Variants in VAPB observed in about 807,000 individuals in gnomAD.
VAPB encodes vesicle-associated membrane protein-associated protein B/C.
VAPB carries 7 observed loss-of-function variants against 25.6 expected under a neutral mutation model. The ratio of observed to expected loss-of-function variants is 0.27; its 90% CI spans 0.16 to 0.51. The LOEUF is 0.51. Ranked by LOEUF, VAPB falls within the 20% of genes least tolerant of loss-of-function variation. VAPB has a pLI of 0.97. For missense variants in VAPB, 266 were observed against 301.3 expected, an observed-to-expected ratio of 0.88 and a Z score of 0.87; for synonymous variants, 112 against 109.2, an observed-to-expected ratio of 1.03 and a Z score of -0.16.
intron 1 of VAPB, among the ~76,000 whole-genome samples, chr20:58,393,746 T>TTTTGTTTTG (rs1568696008): frequency 7.3e-6 from 1 of 136,752 alleles, no homozygotes; most frequent in African/African-American, 2.8e-5. Context: ...GTTTTGTTTT[T>TTTTGTTTTG]TTTGAGATGG....
chr20:58,448,374 C>T lies in VAPB; in HGVS notation c.*4139C>T, dbSNP rs1989347253. 2.2e-6 allele frequency: 1 copy of T among 454,078 alleles called. No individual in the cohort carries two copies. Among genetic ancestry groups the T allele is most frequent in the Non-Finnish European group, 4.4e-6 (1 of 226,796 alleles). The allele number at this position is 454,078 out of a possible 1,614,324, so 28.1% of individuals were successfully genotyped here. On this transcript the variant is annotated 3_prime_UTR_variant, in exon 6 of 6. Coordinates refer to ENST00000475243, the MANE Select transcript of VAPB (RefSeq NM_004738.5). Reference sequence around the variant, plus strand: ...CAGACAGATCTGCTCTGATAGGAACCTTTTCAAGAAAGTTACTGTTGTTTC... The same window carrying T: ...CAGACAGATCTGCTCTGATAGGAACTTTTTCAAGAAAGTTACTGTTGTTTC...
chr20:58,389,302 A>AACCC lies in VAPB; in HGVS notation c.-158_-157insACCC. On this transcript the variant is annotated 5_prime_UTR_variant, in exon 1 of 6. Coordinates refer to ENST00000475243, the MANE Select transcript of VAPB (RefSeq NM_004738.5). Reference sequence around the variant, plus strand: ...CCCTGCGCCTGCACCGCGTAGACCGACCCCCCCCCAGCGCGCCCACCCGGT... The same window carrying AACCC: ...CCCTGCGCCTGCACCGCGTAGACCGAACCCCCCCCCCCCAGCGCGCCCACCCGGT... The AACCC allele has an allele frequency of 5.0e-6, 2 of 399,632 alleles. No homozygotes were observed. Among genetic ancestry groups the AACCC allele is most frequent in the South Asian group, 1.8e-5 (1 of 56,198 alleles). 24.8% of individuals were successfully genotyped at this position (399,632 alleles called of 1,614,324 possible).
At chr20:58,417,838 GC>G (rs1456164450) in intron 1 of VAPB, among the ~76,000 whole-genome samples, 1 of 152,106 alleles carries the variant, frequency 6.6e-6, no homozygotes, top group East Asian at 1.9e-4. Context: ...GTAAGAACTG[GC>G]CTTAGATGCA....
chr20:58,427,249 A>G lies in VAPB; in HGVS notation c.212-7353A>G, dbSNP rs539013785. Among the ~76,000 whole-genome samples the G allele has an allele frequency of 4.0e-5, 6 of 151,600 alleles. No individual in the cohort carries two copies. The South Asian group carries it at 1.0e-3, about 26-fold the overall frequency. On this transcript the variant is annotated intron_variant, in intron 2 of 5. Coordinates refer to ENST00000475243, the MANE Select transcript of VAPB (RefSeq NM_004738.5). ...CTGTTACAATTATGATGCAGGCGAA[A>G]GTGATCCGTGATCTGTTACCATTAT...
chr20:58,426,694 C>T (rs540847499), intron 2 of VAPB, among the ~76,000 whole-genome samples: 54 of 152,226 alleles, frequency 3.5e-4, no homozygotes, highest in Non-Finnish European at 6.9e-4. Flanking sequence ...GAGGAATTAC[C>T]ATGATACAAG....
chr20:58,441,179 C>T, intron 5 of VAPB, 96 bp downstream of exon 5: 2 of 1,377,382 alleles, frequency 1.5e-6, no homozygotes, highest in Non-Finnish European at 2.0e-6. Flanking sequence ...ATATAGATTT[C>T]TTTTTGCTTT....
intron 1 of VAPB, among the ~76,000 whole-genome samples, chr20:58,394,207 ACT>A (rs1182436646): frequency 3.3e-5 from 5 of 151,864 alleles, no homozygotes; most frequent in African/African-American, 1.2e-4. Context: ...AAACTTGGAC[ACT>A]CTAAATGATA....
chr20:58,444,500 A>G lies in VAPB; in HGVS notation c.*265A>G. ...TTAATGACAAGGGAAACCATGAGTA[A>G]TGCCACAATGGCATATTGTAAATGT... On this transcript the variant is annotated 3_prime_UTR_variant, in exon 6 of 6. Transcript: ENST00000475243. 1 of 594,730 alleles carries G rather than the reference A, an allele frequency of 1.7e-6. No individual in the cohort carries two copies. Among genetic ancestry groups the G allele is most frequent in the Non-Finnish European group, 3.1e-6 (1 of 318,558 alleles). 36.8% of individuals were successfully genotyped at this position (594,730 alleles called of 1,614,324 possible).
At chr20:58,407,660 TTTG>T (rs1408755116) in intron 1 of VAPB, among the ~76,000 whole-genome samples, 3 of 152,140 alleles carry the variant, frequency 2.0e-5, no homozygotes, top group African/African-American at 7.2e-5. Flanking sequence ...TCCTTTTTTT[TTTG>T]TTTTTTTTTT....
At chr20:58,417,262 G>T in intron 1 of VAPB, among the ~76,000 whole-genome samples, 1 of 152,268 alleles carries the variant, frequency 6.6e-6, no homozygotes, top group East Asian at 1.9e-4. Context: ...CAAGTTTCAG[G>T]TTAATAGGAA....
intron 4 of VAPB, chr20:58,440,152 G>GC (rs1266164182): frequency 3.3e-5 from 5 of 152,218 alleles, no homozygotes; most frequent in African/African-American, 1.2e-4. Flanking sequence ...AGCTGTGAAA[G>GC]CAGTATTCTG....
At chr20:58,443,058 T>G (rs184908262) in intron 5 of VAPB, among the ~76,000 whole-genome samples, 10 of 152,262 alleles carry the variant, frequency 6.6e-5, no homozygotes, top group African/African-American at 2.4e-4. Flanking sequence ...GCATCATAGA[T>G]CTACATAGTA....
intron 1 of VAPB, among the ~76,000 whole-genome samples, chr20:58,405,950 C>T (rs983439623): frequency 6.6e-6 from 1 of 151,792 alleles, no homozygotes; most frequent in Non-Finnish European, 1.5e-5. Context: ...GACAGGGTTT[C>T]TAGATTAAAT....
At chr20:58,441,255 G>T (rs1189050310) in intron 5 of VAPB, among the ~76,000 whole-genome samples, 172 bp downstream of exon 5, 1 of 151,810 alleles carries the variant, frequency 6.6e-6, no homozygotes, top group African/African-American at 2.4e-5. Flanking sequence ...GTCTCAAAAG[G>T]GTCCTTGGAT....
At chr20:58,393,068 C>G (rs769408872) in intron 1 of VAPB, among the ~76,000 whole-genome samples, 7 of 152,146 alleles carry the variant, frequency 4.6e-5, no homozygotes, top group Non-Finnish European at 8.8e-5. Flanking sequence ...GGGTCTTGCT[C>G]TGTCACCCAG....
In VAPB at chr20:58,438,989, A is replaced by T; in HGVS notation, c.360A>T (p.Arg120Ser). ...AAGACCTTATGGATTCAAAACTTAG[A>T]TGTGTGTTTGAATTGCCAGCAGAGA... ...KPEDLMDSKLRCVFELPAEND... is the reference protein window; with the variant it reads ...KPEDLMDSKLSCVFELPAEND... Residue 120 changes from arginine to serine, a missense_variant, in exon 4 of 6, where the codon AGA becomes AGT. Physicochemically the swap from Arg to Ser is moderately radical, Grantham distance 110. This residue lies in a region of VAPB where 98 missense variants were observed against 147.1 expected (regional missense o/e 0.67). Coordinates refer to ENST00000475243, the MANE Select transcript of VAPB (RefSeq NM_004738.5). 6.2e-7 allele frequency: 1 copy of T among 1,613,958 alleles called. No individual in the cohort carries two copies. The highest frequency in any genetic ancestry group is 1.1e-5 in the South Asian group (1 of 91,070).
In VAPB at chr20:58,450,864, CT is replaced by C. The variant is rs1373354172; in HGVS notation, c.*6630del. ...AGTTGGTGCAGGAAAGGACTCTTTACTGTTGCACATTTTGGTTTTCTGATAT... is the reference window on the plus strand; with the variant it reads ...AGTTGGTGCAGGAAAGGACTCTTTACGTTGCACATTTTGGTTTTCTGATAT... On this transcript the variant is annotated 3_prime_UTR_variant, in exon 6 of 6. Transcript: ENST00000475243. 1 of 454,020 alleles carries C rather than the reference CT, an allele frequency of 2.2e-6. No homozygotes were observed. Among genetic ancestry groups the C allele is most frequent in the Non-Finnish European group, 4.4e-6 (1 of 226,812 alleles). The allele number at this position is 454,020 out of a possible 1,614,324, so 28.1% of individuals were successfully genotyped here. A position where few individuals can be genotyped will look rare whatever the true frequency, so the allele number is the denominator to read the frequency against.
At chr20:58,394,247 G>GT (rs1293220487) in intron 1 of VAPB, among the ~76,000 whole-genome samples, 6 of 152,032 alleles carry the variant, frequency 3.9e-5, no homozygotes, top group Middle Eastern at 3.2e-3. Flanking sequence ...GTTTTGTTTT[G>GT]TTTTTTGTAT....
chr20:58,401,767 C>G (rs559533448), intron 1 of VAPB, among the ~76,000 whole-genome samples: 1 of 152,302 alleles, frequency 6.6e-6, no homozygotes, highest in East Asian at 1.9e-4. Context: ...GAACCCAGGC[C>G]TGACCCAAGC....
Sources: gnomAD v4.1 joint callset for allele counts (sites outside exome capture counted in the v4.1 genomes callset) on GRCh38, gnomAD v4.1.1 for gene constraint, gnomAD v4.1.1 regional missense constraint, MANE v1.5 for transcripts, NCBI Gene and HGNC (gene_info 2026-07-23, HGNC 2026-07-21) for gene names.